Variants in BCAR3 observed in about 807,000 individuals in gnomAD.
The protein encoded by BCAR3 is breast cancer anti-estrogen resistance protein 3.
A neutral mutation model predicts 80.1 loss-of-function variants in BCAR3; 37 were observed. The ratio of observed to expected loss-of-function variants is 0.46; its 90% CI spans 0.36 to 0.61. The LOEUF (loss-of-function observed/expected upper bound fraction) is 0.61. Among genes scored for constraint, BCAR3 ranks in the 20% least tolerant of loss-of-function variants. The pLI, the probability that BCAR3 is intolerant of heterozygous loss-of-function variation, is 0.00. For missense variants in BCAR3, 978 were observed against 1,068.2 expected, an observed-to-expected ratio of 0.92 and a Z score of 1.18; for synonymous variants, 389 against 418.9, an observed-to-expected ratio of 0.93 and a Z score of 0.87.
At chr1:93,847,560 G>C (rs920784222), upstream of BCAR3, 2 of 152,436 alleles carry the variant, frequency 1.3e-5, no homozygotes, top group Admixed American at 1.3e-4. Context: ...GATGCGCTGA[G>C]ACTCCAACAG....
At chr1:93,640,034 C>T (rs1039816944) in intron 3 of BCAR3, among the ~76,000 whole-genome samples, 1 of 152,110 alleles carries the variant, frequency 6.6e-6, no homozygotes, top group African/African-American at 2.4e-5. Context: ...CATAGAACTA[C>T]TTTTCTCCAA....
chr1:93,704,651 T>C (rs1649773539), intron 3 of BCAR3, among the ~76,000 whole-genome samples: 1 of 152,152 alleles, frequency 6.6e-6, no homozygotes, highest in African/African-American at 2.4e-5. Flanking sequence ...AAGGAAGTCC[T>C]TGAAAGTTTT....
At chr1:93,580,486 A>G (rs1383513624) in intron 7 of BCAR3, among the ~76,000 whole-genome samples, 1 of 151,554 alleles carries the variant, frequency 6.6e-6, no homozygotes, top group Non-Finnish European at 1.5e-5. Flanking sequence ...CAGTAGATTC[A>G]ACCAACCAAG....
intron 2 of BCAR3, among the ~76,000 whole-genome samples, chr1:93,656,273 C>A (rs1450985882): frequency 6.6e-6 from 1 of 152,082 alleles, no homozygotes; most frequent in Non-Finnish European, 1.5e-5. Context: ...TTTTCTCCTT[C>A]TAGAGCTCTG....
chr1:93,804,565 G>A (rs1653597611), intron 2 of BCAR3, among the ~76,000 whole-genome samples: 1 of 152,206 alleles, frequency 6.6e-6, no homozygotes, highest in South Asian at 2.1e-4. Context: ...TGTATATAGT[G>A]TGCAGCGCTG....
intron 2 of BCAR3, among the ~76,000 whole-genome samples, chr1:93,802,361 T>C (rs886664986): frequency 1.3e-5 from 2 of 152,122 alleles, no homozygotes; most frequent in Admixed American, 1.3e-4. Context: ...CAGTCAGCCT[T>C]TGACACCCAT....
intron 3 of BCAR3, among the ~76,000 whole-genome samples, chr1:93,633,520 G>C (rs11800247): frequency 3.3e-5 from 5 of 152,088 alleles, no homozygotes; most frequent in Admixed American, 2.6e-4. Flanking sequence ...CTTCAAGCTC[G>C]GCACTTTTTC....
intron 2 of BCAR3, among the ~76,000 whole-genome samples, chr1:93,767,719 G>A (rs1050560967): frequency 6.6e-6 from 1 of 152,054 alleles, no homozygotes; most frequent in Non-Finnish European, 1.5e-5. Context: ...ACTATTTTTG[G>A]AGTTATTTCT....
intron 1 of BCAR3, among the ~76,000 whole-genome samples, chr1:93,679,537 T>A (rs980637796): frequency 7.2e-5 from 11 of 152,216 alleles, no homozygotes; most frequent in African/African-American, 2.7e-4. Context: ...GACTTCTCTC[T>A]ACTGTGCAGG....
intron 2 of BCAR3, among the ~76,000 whole-genome samples, chr1:93,673,651 C>T (rs1471863846): frequency 1.3e-5 from 2 of 152,226 alleles, no homozygotes; most frequent in African/African-American, 4.8e-5. Context: ...AAACCAATCA[C>T]AGCCAGGCCC....
chr1:93,821,458 G>A (rs1418751613), intron 2 of BCAR3, among the ~76,000 whole-genome samples: 2 of 152,172 alleles, frequency 1.3e-5, no homozygotes, highest in African/African-American at 4.8e-5. Context: ...CTTCAAAAAT[G>A]TCCACGGTAC....
intron 2 of BCAR3, among the ~76,000 whole-genome samples, chr1:93,820,460 C>T (rs1479210129): frequency 6.6e-6 from 1 of 152,202 alleles, no homozygotes. Flanking sequence ...ATTCCCTCCT[C>T]AGGTTCAAAA....
chr1:93,711,541 G>T (rs575477942), intron 2 of BCAR3, among the ~76,000 whole-genome samples: 4 of 152,304 alleles, frequency 2.6e-5, no homozygotes, highest in African/African-American at 9.6e-5. Context: ...GCCAAGACAA[G>T]TCATGAGGCT....
chr1:93,847,615 T>G (rs1455739745), upstream of BCAR3: 1 of 152,578 alleles, frequency 6.6e-6, no homozygotes, highest in Non-Finnish European at 1.5e-5. Context: ...TTCTAGAGGC[T>G]GAAGGCATTC....
At chr1:93,755,335 T>C (rs1571099879) in intron 2 of BCAR3, among the ~76,000 whole-genome samples, 1 of 152,358 alleles carries the variant, frequency 6.6e-6, no homozygotes, top group East Asian at 1.9e-4. Context: ...TGCACAGTAA[T>C]GTCCTAGGCC....
At chr1:93,631,156 C>T (rs542802001) in intron 3 of BCAR3, among the ~76,000 whole-genome samples, 26 of 152,340 alleles carry the variant, frequency 1.7e-4, no homozygotes, top group South Asian at 2.1e-4. Flanking sequence ...TAGCACTCCT[C>T]GGCTTGCAGA....
intron 3 of BCAR3, among the ~76,000 whole-genome samples, chr1:93,615,071 C>T (rs917642668): frequency 8.0e-5 from 12 of 150,714 alleles, no homozygotes; most frequent in Admixed American, 4.6e-4. Flanking sequence ...TCCTATCCTA[C>T]CGCTCCAAAT....
intron 3 of BCAR3, among the ~76,000 whole-genome samples, chr1:93,623,452 A>T (rs536415153): frequency 6.6e-6 from 1 of 152,274 alleles, no homozygotes; most frequent in African/African-American, 2.4e-5. Flanking sequence ...ATGAGACCAA[A>T]CAGAGTCCTT....
intron 2 of BCAR3, among the ~76,000 whole-genome samples, chr1:93,719,364 CAG>C (rs1172810448): frequency 1.3e-5 from 1 of 74,982 alleles, no homozygotes; most frequent in African/African-American, 5.5e-5. Flanking sequence ...TTTTTTGAGA[CAG>C]AGTCTCACTC....
Sources: allele counts gnomAD v4.1 joint callset (sites outside exome capture counted in the v4.1 genomes callset), GRCh38; gene constraint gnomAD v4.1.1; transcripts MANE v1.5; gene names NCBI Gene and HGNC (gene_info 2026-07-23, HGNC 2026-07-21).